APLF: variants seen among roughly 807,000 people sequenced by gnomAD.
APLF encodes aprataxin and PNKP like factor.
Under a neutral mutation model 55.6 loss-of-function variants are expected in APLF, and 61 were observed. The observed-to-expected ratio is 1.10, with a 90% confidence interval of 0.89 to 1.36. APLF has a LOEUF of 1.36. APLF is among the 40% of genes most tolerant of loss of function. The pLI is 0.00. For missense variants in APLF, 611 were observed against 602.5 expected (o/e 1.01, Z -0.15); for synonymous variants, 207 against 214.8 (o/e 0.96, Z 0.32).
At chr2:68,510,770 C>A (rs1008774872) in intron 3 of APLF, among the ~76,000 whole-genome samples, 2 of 151,774 alleles carry the variant, frequency 1.3e-5, no homozygotes, top group African/African-American at 4.8e-5. Flanking sequence ...GTGGAAATAA[C>A]TCAGCTGTCC....
intron 5 of APLF, among the ~76,000 whole-genome samples, chr2:68,517,466 C>A (rs1341862221): frequency 7.3e-6 from 1 of 136,116 alleles, no homozygotes; most frequent in Non-Finnish European, 1.5e-5. Flanking sequence ...ATTAATATAT[C>A]AATGTTATTA....
intron 5 of APLF, among the ~76,000 whole-genome samples, chr2:68,518,806 A>AT (rs147637195): frequency 6.7e-3 from 10 of 1,502 alleles, no homozygotes; most frequent in Admixed American, 0.018. Context: ...ATAATCTATC[A>AT]TATAATAAAA....
intron 8 of APLF, among the ~76,000 whole-genome samples, chr2:68,549,342 C>A (rs1029425395): frequency 1.3e-5 from 2 of 152,034 alleles, no homozygotes; most frequent in Admixed American, 1.3e-4. Flanking sequence ...GATATCAGTT[C>A]TAAAAATTGT....
intron 9 of APLF, among the ~76,000 whole-genome samples, chr2:68,574,232 G>A (rs1301699987): frequency 1.3e-5 from 2 of 151,974 alleles, no homozygotes; most frequent in African/African-American, 4.8e-5. Flanking sequence ...CTGAAAGGCA[G>A]AATTGGATAT....
At chr2:68,493,071 T>G (rs2103913012) in intron 2 of APLF, among the ~76,000 whole-genome samples, 1 of 152,326 alleles carries the variant, frequency 6.6e-6, no homozygotes, top group South Asian at 2.1e-4. Flanking sequence ...TTTGTTGTTG[T>G]TATGTTTCTG....
chr2:68,502,846 A>G lies in APLF; in HGVS notation c.284A>G (p.Lys95Arg). 1.2e-6 allele frequency: 2 copies of G among 1,606,970 alleles called. No individual in the cohort carries two copies. The highest frequency in any genetic ancestry group is 1.7e-5 in the Admixed American group (1 of 58,304). ...PGDSFSLLVD[K>R]YIFRILSIPS... is the part of the protein sequence containing the mutation. ...GACAGCTTTTCTTTGTTAGTTGACA[A>G]ATACATTTTCCGCATTCTCTCTATA... The change falls in exon 3 of 10, where the codon AAA becomes AGA. Residue 95 changes from lysine (K) to arginine (R), a missense_variant. Coordinates refer to ENST00000303795, the MANE Select transcript of APLF (RefSeq NM_173545.3).
At chr2:68,557,538 A>G (rs373024136) in intron 8 of APLF, among the ~76,000 whole-genome samples, 139 of 152,360 alleles carry the variant, frequency 9.1e-4, no homozygotes, top group African/African-American at 3.2e-3. Flanking sequence ...ATAAATCTTC[A>G]TAAGGAGACC....
intron 8 of APLF, among the ~76,000 whole-genome samples, chr2:68,552,797 A>G (rs1236548489): frequency 1.3e-5 from 2 of 152,166 alleles, no homozygotes; most frequent in African/African-American, 4.8e-5. Context: ...ATTAGCTTAC[A>G]TGTGCTAATA....
chr2:68,518,991 C>A (rs1490703550), intron 5 of APLF, among the ~76,000 whole-genome samples: 2 of 99,346 alleles, frequency 2.0e-5, no homozygotes, highest in African/African-American at 4.8e-5. Context: ...TATACAATAT[C>A]TGATAATATA....
chr2:68,520,213 T>C (rs979120026), intron 5 of APLF, among the ~76,000 whole-genome samples: 3 of 152,100 alleles, frequency 2.0e-5, no homozygotes, highest in African/African-American at 7.2e-5. Context: ...TTCTGGATAT[T>C]AGTCCTTTGT....
intron 8 of APLF, among the ~76,000 whole-genome samples, chr2:68,557,754 A>G (rs1671054707): frequency 2.0e-5 from 3 of 152,084 alleles, no homozygotes; most frequent in Admixed American, 1.3e-4. Flanking sequence ...TCTACTAAAA[A>G]CACAAAAATT....
chr2:68,517,000 GTTAATATATAATATATAATAATATA>G (rs1219969004), intron 5 of APLF, among the ~76,000 whole-genome samples: 2 of 118,852 alleles, frequency 1.7e-5, no homozygotes, highest in South Asian at 2.4e-4. Flanking sequence ...AATAATATAT[GTTAATATATAATATATAATAATATA>G]TTAATATATA....
intron 8 of APLF, among the ~76,000 whole-genome samples, chr2:68,549,639 T>G (rs573213424): frequency 6.6e-6 from 1 of 152,304 alleles, no homozygotes; most frequent in East Asian, 1.9e-4. Context: ...AGTAAGGTTT[T>G]ATAAATGTCG....
In APLF at chr2:68,579,291, T is replaced by C; in HGVS notation, c.*1269T>C. 1 of 871,904 alleles carries C rather than the reference T, an allele frequency of 1.1e-6. No individual in the cohort carries two copies. Among genetic ancestry groups the C allele is most frequent in the Non-Finnish European group, 1.4e-6 (1 of 726,804 alleles). The allele number at this position is 871,904 out of a possible 1,614,324, so 54.0% of individuals were successfully genotyped here. ...CTAGACTATAACCTATTATTCTGAT[T>C]TTTATCTCTTATTGTTATTTGGGAA... is the stretch of plus-strand genomic sequence containing the variant. On this transcript the variant is annotated 3_prime_UTR_variant, in exon 10 of 10. Transcript: ENST00000303795.
At chr2:68,480,213 CTT>C (rs770348962) in intron 1 of APLF, among the ~76,000 whole-genome samples, 1 of 150,878 alleles carries the variant, frequency 6.6e-6, no homozygotes, top group Non-Finnish European at 1.5e-5. Context: ...TTGGTGGAGT[CTT>C]TAGGTTTTTC....
In APLF at chr2:68,561,421, A is replaced by G. The variant is rs114237340; in HGVS notation, c.1287-5920A>G. Among the ~76,000 whole-genome samples, 1,107 of 152,218 alleles carry G rather than the reference A, an allele frequency of 7.3e-3. 11 individuals are homozygous for G. The highest frequency in any genetic ancestry group is 0.025 in the African/African-American group (1,056 of 41,546). ...GATCCAAAGTTTAAATTGCCAGATGAGAACAGGCCCAAGACACTGTGGCAT... is the reference window on the plus strand; with the variant it reads ...GATCCAAAGTTTAAATTGCCAGATGGGAACAGGCCCAAGACACTGTGGCAT... On this transcript the variant is annotated intron_variant, in intron 8 of 9. Transcript: ENST00000303795.
At chr2:68,485,936 A>G (rs1281055728) in intron 1 of APLF, among the ~76,000 whole-genome samples, 3 of 151,570 alleles carry the variant, frequency 2.0e-5, no homozygotes, top group Admixed American at 6.6e-5. Context: ...CAGCCTCCCA[A>G]GTATTAATAT....
intron 8 of APLF, among the ~76,000 whole-genome samples, chr2:68,554,765 T>G (rs1048141701): frequency 2.6e-5 from 4 of 151,938 alleles, no homozygotes; most frequent in African/African-American, 4.8e-5. Context: ...GAAACTTTGG[T>G]GAATTCTTTT....
At chr2:68,553,730 G>T (rs1320754573) in intron 8 of APLF, among the ~76,000 whole-genome samples, 1 of 152,034 alleles carries the variant, frequency 6.6e-6, no homozygotes, top group Non-Finnish European at 1.5e-5. Flanking sequence ...TGATAAGCCT[G>T]TTTTCCATGA....
Sources: allele counts gnomAD v4.1 joint callset (sites outside exome capture counted in the v4.1 genomes callset), GRCh38; gene constraint gnomAD v4.1.1; transcripts MANE v1.5; gene names NCBI Gene and HGNC (gene_info 2026-07-23, HGNC 2026-07-21).